Variants in WDFY4 observed in about 807,000 individuals in gnomAD.
The protein encoded by WDFY4 is WD repeat- and FYVE domain-containing protein 4.
Under a neutral mutation model 351.9 loss-of-function variants are expected in WDFY4, and 169 were observed. The observed-to-expected ratio is 0.48, with a 90% CI of 0.42 to 0.55. WDFY4 has a LOEUF of 0.55. Among genes scored for constraint, WDFY4 ranks in the 20% least tolerant of loss-of-function variants. The pLI, the probability that WDFY4 is intolerant of heterozygous loss-of-function variation, is 0.00. For synonymous variants in WDFY4, 1,622 were observed against 1,574.6 expected, an observed-to-expected ratio of 1.03 and a Z score of -0.71; for missense variants, 3,803 against 3,935.6, an observed-to-expected ratio of 0.97 and a Z score of 0.90.
rs1788442924 is a variant in WDFY4 at position 48,743,335 on chromosome 10, C to A, written c.2246C>A (p.Ala749Asp). 3.9e-6 allele frequency: 6 copies of A among 1,551,504 alleles called. No individual in the cohort carries two copies. Among genetic ancestry groups the A allele is most frequent in the South Asian group, 1.2e-5 (1 of 84,064 alleles). The change falls in exon 12 of 62, where the codon GCC becomes GAC. Residue 749 changes from alanine to aspartate, a missense_variant. Physicochemically the swap from Ala to Asp is moderately radical, Grantham distance 126. This residue lies in a region of WDFY4 where 3,054 missense variants were observed against 3,148.6 expected (regional missense o/e 0.97). Transcript: ENST00000325239. ...ARPFADLLGT[A>D]FSSSGSLPPR... ...CCATTTGCAGATTTGCTGGGCACTGCCTTTTCCTCCAGCGGCTCACTCCCA... is the reference window on the plus strand; with the variant it reads ...CCATTTGCAGATTTGCTGGGCACTGACTTTTCCTCCAGCGGCTCACTCCCA...
chr10:48,766,085 G>T (rs1362548304), intron 13 of WDFY4, among the ~76,000 whole-genome samples: 5 of 152,240 alleles, frequency 3.3e-5, no homozygotes, highest in Admixed American at 3.3e-4. Flanking sequence ...CAGGCTATTT[G>T]AAAAGAGCCA....
intron 36 of WDFY4, among the ~76,000 whole-genome samples, chr10:48,827,775 T>A (rs573224761): frequency 6.6e-6 from 1 of 151,714 alleles, no homozygotes; most frequent in African/African-American, 2.4e-5. Context: ...AACACTAGCA[T>A]TGACTTCTCA....
intron 39 of WDFY4, among the ~76,000 whole-genome samples, chr10:48,843,508 C>G (rs2068677010): frequency 6.6e-6 from 1 of 151,882 alleles, no homozygotes; most frequent in African/African-American, 2.4e-5. Flanking sequence ...TGTTTATCTC[C>G]CAAGTTAGAT....
intron 7 of WDFY4, among the ~76,000 whole-genome samples, chr10:48,728,587 G>A (rs1367308308): frequency 6.6e-6 from 1 of 152,240 alleles, no homozygotes; most frequent in Non-Finnish European, 1.5e-5. Flanking sequence ...ACTTGGACAA[G>A]GGGGCCAAAG....
chr10:48,890,032 C>T lies in WDFY4; in HGVS notation c.7168-547C>T, dbSNP rs190404535. Among the ~76,000 whole-genome samples, 67 of 152,348 alleles carry T rather than the reference C, an allele frequency of 4.4e-4. 1 individual carries two copies. The highest frequency in any genetic ancestry group is 3.1e-3 in the East Asian group (16 of 5,186). ...CCAGCAACAGGGGAAATGCTCACCT[C>T]GGTCCAAGAGGAAGGATCTGGGCAG... On this transcript the variant is annotated intron_variant, in intron 43 of 61. Coordinates refer to ENST00000325239, the MANE Select transcript of WDFY4 (RefSeq NM_001394531.1).
intron 15 of WDFY4, 54 bp from the exon 16 acceptor site, chr10:48,776,696 G>A (rs1053148679): frequency 7.7e-6 from 10 of 1,305,730 alleles, no homozygotes; most frequent in South Asian, 3.0e-5. Context: ...TGTCAGAAGC[G>A]AGACAGAAAT....
rs142380165 is a variant in WDFY4 at position 48,905,528 on chromosome 10, T to G, written c.7586+3665T>G. On this transcript the variant is annotated intron_variant, in intron 47 of 61. Transcript: ENST00000325239. The stretch of plus-strand genomic sequence containing the variant: ...TGCCATCATGGCTACCTGATCCCAC[T>G]GGAGCAGGGTCTTCCAGGGCTATGC... Among the ~76,000 whole-genome samples the G allele has an allele frequency of 1.3e-4, 20 of 152,338 alleles. No individual in the cohort carries two copies. The East Asian group carries it at 3.3e-3, about 25-fold the overall frequency.
In WDFY4 at chr10:48,982,622, G is replaced by C; in HGVS notation, c.*47G>C. On this transcript the variant is annotated 3_prime_UTR_variant, in exon 62 of 62. Coordinates refer to ENST00000325239, the MANE Select transcript of WDFY4 (RefSeq NM_001394531.1). ...TCTGGCACAACAGTGCCAGGCTGAG[G>C]GTGGCAGAGGTGACTGGGGCCTGAG... 1 of 1,526,294 alleles carries C rather than the reference G, an allele frequency of 6.6e-7. No homozygotes were observed. Among genetic ancestry groups the C allele is most frequent in the Non-Finnish European group, 8.9e-7 (1 of 1,126,592 alleles). 94.5% of individuals were successfully genotyped at this position (1,526,294 alleles called of 1,614,324 possible).
intron 43 of WDFY4, among the ~76,000 whole-genome samples, chr10:48,883,716 G>C (rs1184762975): frequency 6.6e-6 from 1 of 152,150 alleles, no homozygotes; most frequent in East Asian, 1.9e-4. Context: ...CAGGCATCTG[G>C]GTGGCATGCC....
At position 48,709,971 on chromosome 10, in the gene WDFY4, G is replaced by C; in HGVS notation, c.234+5G>C. On this transcript the variant is annotated splice_donor_5th_base_variant and intron_variant, in intron 2 of 61. Coordinates refer to ENST00000325239, the MANE Select transcript of WDFY4 (RefSeq NM_001394531.1). ...CTTCTCCCCCTATTCCTAAAGGTTA[G>C]TGTTCTTATTTTTGAAACTGTAAGG... is the stretch of plus-strand genomic sequence containing the variant. 6.5e-7 allele frequency: 1 copy of C among 1,544,526 alleles called. No homozygotes were observed.
chr10:48,753,156 G>T (rs896960819), intron 12 of WDFY4, among the ~76,000 whole-genome samples: 1 of 152,012 alleles, frequency 6.6e-6, no homozygotes, highest in Non-Finnish European at 1.5e-5. Flanking sequence ...TTGGCCATTT[G>T]TATATCTTTT....
intron 11 of WDFY4, among the ~76,000 whole-genome samples, chr10:48,738,126 G>C (rs949670369): frequency 6.6e-6 from 1 of 152,192 alleles, no homozygotes; most frequent in African/African-American, 2.4e-5. Context: ...GTGAATAATT[G>C]TTCCTGACAG....
intron 47 of WDFY4, among the ~76,000 whole-genome samples, chr10:48,914,426 G>A (rs1564479750): frequency 6.6e-6 from 1 of 152,134 alleles, no homozygotes; most frequent in South Asian, 2.1e-4. Context: ...TGATTTTCTT[G>A]GATGTTAAAA....
intron 45 of WDFY4, among the ~76,000 whole-genome samples, chr10:48,898,829 T>A (rs1437173384): frequency 6.6e-6 from 1 of 152,128 alleles, no homozygotes; most frequent in Non-Finnish European, 1.5e-5. Flanking sequence ...CCCTGATGGT[T>A]CTGGGCAGTG....
intron 54 of WDFY4, among the ~76,000 whole-genome samples, chr10:48,964,749 G>A (rs746113918): frequency 2.6e-5 from 4 of 152,304 alleles, no homozygotes; most frequent in Non-Finnish European, 4.4e-5. Flanking sequence ...GCATTCCCCT[G>A]TTGACATACT....
chr10:48,811,385 G>T (rs2067440387), intron 29 of WDFY4, among the ~76,000 whole-genome samples, 154 bp from the exon 30 acceptor site: 1 of 152,174 alleles, frequency 6.6e-6, no homozygotes, highest in Non-Finnish European at 1.5e-5. Flanking sequence ...ACTGTTGAGT[G>T]CCTTTTTGCT....
At chr10:48,742,138 C>T (rs1394414906) in intron 11 of WDFY4, among the ~76,000 whole-genome samples, 1 of 151,958 alleles carries the variant, frequency 6.6e-6, no homozygotes, top group Admixed American at 6.6e-5. Flanking sequence ...AGTAAGTGCT[C>T]AAGAAAGGTT....
intron 12 of WDFY4, among the ~76,000 whole-genome samples, chr10:48,744,177 CA>C (rs1298250434): frequency 6.6e-6 from 1 of 152,202 alleles, no homozygotes; most frequent in African/African-American, 2.4e-5. Flanking sequence ...ATCCCTACCC[CA>C]ACCCACTTGG....
rs548573389 is a variant in WDFY4 at position 48,916,283 on chromosome 10, A to G, written c.7586+14420A>G. 1.6e-4 allele frequency among the ~76,000 whole-genome samples: 25 copies of G among 152,342 alleles called. No individual in the cohort carries two copies. In the East Asian group the frequency reaches 2.7e-3, roughly 16 times the overall value. ...AGGACAGAAAGATTTCTGATTTCCAACAAGAGCCTCTCTTTCTGGTCCAAG... is the reference window on the plus strand; with the variant it reads ...AGGACAGAAAGATTTCTGATTTCCAGCAAGAGCCTCTCTTTCTGGTCCAAG... On this transcript the variant is annotated intron_variant, in intron 47 of 61. Coordinates refer to ENST00000325239, the MANE Select transcript of WDFY4 (RefSeq NM_001394531.1).
Sources: allele counts gnomAD v4.1 joint callset (sites outside exome capture counted in the v4.1 genomes callset), GRCh38; gene constraint gnomAD v4.1.1; regional missense constraint gnomAD v4.1.1; transcripts MANE v1.5; gene names NCBI Gene and HGNC (gene_info 2026-07-23, HGNC 2026-07-21).